The following SLC20A2 variants were observed in gnomAD, a reference collection of about 807,000 sequenced individuals.
The protein encoded by SLC20A2 is solute carrier family 20 member 2, also known as sodium-dependent phosphate transporter 2.
In SLC20A2, 30 loss-of-function variants were observed where a neutral mutation model predicts 61.0. That is an observed-to-expected ratio of 0.49 (90% CI 0.37 to 0.67). The LOEUF (loss-of-function observed/expected upper bound fraction) is 0.67, where lower values mean the gene tolerates loss of function less well. Ranked by LOEUF, SLC20A2 falls within the 30% of genes least tolerant of loss-of-function variation. The pLI, the probability that SLC20A2 is intolerant of heterozygous loss-of-function variation, is 0.00. For missense variants in SLC20A2, 626 were observed against 866.4 expected (o/e 0.72, Z 3.48); for synonymous variants, 351 against 353.3 (o/e 0.99, Z 0.07).
intron 5 of SLC20A2, among the ~76,000 whole-genome samples, chr8:42,453,893 T>A (rs1389470658): frequency 1.3e-5 from 2 of 152,226 alleles, no homozygotes; most frequent in Non-Finnish European, 2.9e-5. Context: ...TAATTATGAC[T>A]GATGGTAACA....
rs774480925 is a variant in SLC20A2, at chr8:42,472,202, G to A, written c.189C>T (p.Gly63=). 1.2e-5 allele frequency: 20 copies of A among 1,613,978 alleles called. No homozygotes were observed. The highest frequency in any genetic ancestry group is 7.7e-5 in the South Asian group (7 of 91,084). ...TGCGAATGGTTTCTCCTACTTTGGC[G>A]CCTAGTAACACGGAGCCGGTGGTTT... The part of the protein sequence containing the change: ...IFETTGSVLL[G]AKVGETIRKG... Residue 63 remains glycine, a synonymous_variant, in exon 2 of 11, where the codon GGC becomes GGT. Coordinates refer to ENST00000520262, the MANE Select transcript of SLC20A2 (RefSeq NM_001257180.2). The surrounding 1 kb of genome is among the most constrained non-coding windows in gnomAD (Gnocchi z 4.1).
intron 1 of SLC20A2, among the ~76,000 whole-genome samples, chr8:42,530,105 A>G (rs1429236686): frequency 6.6e-6 from 1 of 152,118 alleles, no homozygotes; most frequent in African/African-American, 2.4e-5. Context: ...TCCAAGCCAA[A>G]CAACCTGGGT....
chr8:42,472,240 C>G lies in SLC20A2; in HGVS notation c.151G>C (p.Ala51Pro). The change falls in exon 2 of 11, where the codon GCT (alanine) becomes CCT (proline). Residue 51 changes from alanine to proline, a missense_variant. Coordinates refer to ENST00000520262, the MANE Select transcript of SLC20A2 (RefSeq NM_001257180.2). This position sits in a 1 kb window ranked among gnomAD's most constrained non-coding sequence, Gnocchi z 4.1. ...VVTLRQACIL[A>P]SIFETTGSVL... ...GAGCCGGTGGTTTCAAATATTGAAG[C>G]TAAAATGCATGCCTGCCTCAAGGTC... The G allele has an allele frequency of 6.2e-7, 1 of 1,614,082 alleles. No homozygotes were observed. The highest frequency in any genetic ancestry group is 8.5e-7 in the Non-Finnish European group (1 of 1,180,020).
chr8:42,478,003 A>C (rs1466815501), intron 1 of SLC20A2, among the ~76,000 whole-genome samples: 1 of 151,532 alleles, frequency 6.6e-6, no homozygotes, highest in Non-Finnish European at 1.5e-5. Flanking sequence ...CTCCTGCCTC[A>C]GCCTCCCGAG....
intron 5 of SLC20A2, among the ~76,000 whole-genome samples, chr8:42,455,699 T>A (rs1308185021): frequency 1.3e-5 from 2 of 152,122 alleles, no homozygotes; most frequent in Non-Finnish European, 2.9e-5. Context: ...TATCATTAAC[T>A]GCTATATTAC....
intron 3 of SLC20A2, 48 bp downstream of exon 3, chr8:42,465,729 A>C (rs748749596): frequency 6.5e-7 from 1 of 1,532,016 alleles, no homozygotes; most frequent in Non-Finnish European, 8.8e-7. Flanking sequence ...AACTTACTCT[A>C]GAAAATGTAA....
rs1011084094 is a variant in SLC20A2, at chr8:42,456,984, C to T, written c.613+2912G>A. Among the ~76,000 whole-genome samples the T allele has an allele frequency of 1.2e-4, 18 of 151,996 alleles. 1 individual carries two copies. In the East Asian group the frequency reaches 2.9e-3, roughly 25 times the overall value. ...TGTCGACGAGGCTGGAGTGCAGTGG[C>T]GGGATCTCGGCTCACTGCAATCTCC... On this transcript the variant is annotated intron_variant, in intron 5 of 10. Coordinates refer to ENST00000520262, the MANE Select transcript of SLC20A2 (RefSeq NM_001257180.2).
At chr8:42,476,323 T>G (rs1808102147) in intron 1 of SLC20A2, among the ~76,000 whole-genome samples, 1 of 151,938 alleles carries the variant, frequency 6.6e-6, no homozygotes, top group Non-Finnish European at 1.5e-5. Context: ...CAGGATGGTC[T>G]CAATCTGCTG....
intron 8 of SLC20A2, among the ~76,000 whole-genome samples, chr8:42,435,094 G>A (rs900356058): frequency 3.3e-5 from 5 of 152,316 alleles, no homozygotes; most frequent in South Asian, 2.1e-4. Flanking sequence ...ATGAGGAGGA[G>A]GAAGTGGGAC....
intron 5 of SLC20A2, among the ~76,000 whole-genome samples, chr8:42,451,278 G>C (rs1163868601): frequency 1.3e-5 from 2 of 151,030 alleles, no homozygotes; most frequent in Non-Finnish European, 3.0e-5. Flanking sequence ...GAGGAGGACA[G>C]GGAAGAGAAG....
At chr8:42,453,257 C>T (rs1805884514) in intron 5 of SLC20A2, among the ~76,000 whole-genome samples, 1 of 152,198 alleles carries the variant, frequency 6.6e-6, no homozygotes, top group East Asian at 1.9e-4. Context: ...GAAGCTTAGG[C>T]TTGTATCCAA....
intron 1 of SLC20A2, among the ~76,000 whole-genome samples, chr8:42,507,249 T>C (rs966106913): frequency 1.3e-5 from 2 of 152,192 alleles, no homozygotes; most frequent in East Asian, 1.9e-4. Context: ...AAAGGCTGCA[T>C]GCTCAGGAGG....
chr8:42,474,008 T>C (rs1339189747), intron 1 of SLC20A2, among the ~76,000 whole-genome samples: 3 of 152,034 alleles, frequency 2.0e-5, no homozygotes. Flanking sequence ...CCATCTCTAC[T>C]AAAACTACAA....
At chr8:42,471,246 A>G (rs1563496589) in intron 2 of SLC20A2, 1 of 455,972 alleles carries the variant, frequency 2.2e-6, no homozygotes, top group South Asian at 1.6e-5. Context: ...CACTTAACAC[A>G]CGCCTGCCGG....
chr8:42,520,906 A>G (rs1811602005), intron 1 of SLC20A2, among the ~76,000 whole-genome samples: 1 of 121,488 alleles, frequency 8.2e-6, no homozygotes, highest in African/African-American at 2.5e-5. Flanking sequence ...CTTACAGTAT[A>G]CATAAGACAG....
intron 1 of SLC20A2, among the ~76,000 whole-genome samples, chr8:42,517,943 T>G (rs1811413210): frequency 6.6e-6 from 1 of 152,062 alleles, no homozygotes; most frequent in Non-Finnish European, 1.5e-5. Context: ...AAAGAATTAT[T>G]TATTTATTTA....
intron 1 of SLC20A2, among the ~76,000 whole-genome samples, chr8:42,498,594 A>G (rs1810104050): frequency 6.6e-6 from 1 of 152,144 alleles, no homozygotes; most frequent in African/African-American, 2.4e-5. Flanking sequence ...TAATGACAGC[A>G]GTACCCCGTA....
chr8:42,471,247 C>T lies in SLC20A2; in HGVS notation c.289+855G>A, dbSNP rs150603386. On this transcript the variant is annotated intron_variant, in intron 2 of 10. Transcript: ENST00000520262. ...AATCCTGTCAGCTGCACTTAACACA[C>T]GCCTGCCGGGAAGGTTCTTTTCTGT... is the stretch of plus-strand genomic sequence containing the variant. The T allele has an allele frequency of 1.3e-3, 590 of 456,014 alleles. 1 individual carries two copies. The highest frequency in any genetic ancestry group is 0.011 in the African/African-American group (546 of 50,150). The allele number at this position is 456,014 out of a possible 1,614,324, so 28.2% of individuals were successfully genotyped here.
At chr8:42,434,905 C>A (rs190467484) in intron 8 of SLC20A2, among the ~76,000 whole-genome samples, 1 of 151,366 alleles carries the variant, frequency 6.6e-6, no homozygotes, top group African/African-American at 2.4e-5. Flanking sequence ...CGTGTGAGTG[C>A]GCATGTGAGT....
Sources: gnomAD v4.1 joint callset for allele counts (sites outside exome capture counted in the v4.1 genomes callset) on GRCh38, gnomAD v4.1.1 for gene constraint, Gnocchi (gnomAD v3.1) non-coding constraint, MANE v1.5 for transcripts, NCBI Gene and HGNC (gene_info 2026-07-23, HGNC 2026-07-21) for gene names.